Variants in NALF1 observed in about 807,000 individuals in gnomAD.
The protein encoded by NALF1 is NALCN channel auxiliary factor 1.
In NALF1, 3 loss-of-function variants were observed where a neutral mutation model predicts 48.4. The ratio of observed to expected loss-of-function variants is 0.06; its 90% CI spans 0.03 to 0.16. NALF1 has a LOEUF of 0.16. Ranked by LOEUF, NALF1 falls within the 10% of genes least tolerant of loss-of-function variation. NALF1 has a pLI of 1.00. For synonymous variants in NALF1, 262 were observed against 245.7 expected (o/e 1.07, Z -0.62); for missense variants, 526 against 571.5 (o/e 0.92, Z 0.81).
At chr13:107,717,381 A>T (rs1594225491) in intron 1 of NALF1, among the ~76,000 whole-genome samples, 1 of 152,308 alleles carries the variant, frequency 6.6e-6, no homozygotes, top group African/African-American at 2.4e-5. Flanking sequence ...TACCCACAGA[A>T]TCAGAAACTC....
chr13:107,404,812 TAA>T (rs897408047), intron 1 of NALF1, among the ~76,000 whole-genome samples: 2 of 152,094 alleles, frequency 1.3e-5, no homozygotes, highest in Non-Finnish European at 2.9e-5. Context: ...ACATGGCTAG[TAA>T]AAAAGTCTTT....
intron 1 of NALF1, among the ~76,000 whole-genome samples, chr13:107,614,971 T>C (rs1487083978): frequency 6.6e-6 from 1 of 151,916 alleles, no homozygotes; most frequent in Non-Finnish European, 1.5e-5. Flanking sequence ...GAGAAGAGGT[T>C]TCACCATGTT....
intron 1 of NALF1, among the ~76,000 whole-genome samples, chr13:107,394,702 G>A (rs1357411632): frequency 3.3e-5 from 5 of 152,072 alleles, no homozygotes; most frequent in Non-Finnish European, 5.9e-5. Context: ...TCATACAAAT[G>A]CCTACACTAA....
intron 1 of NALF1, among the ~76,000 whole-genome samples, chr13:107,723,566 C>T (rs1195367325): frequency 1.3e-5 from 2 of 151,824 alleles, no homozygotes; most frequent in African/African-American, 4.8e-5. Flanking sequence ...AAAAGGAAAA[C>T]AATAAAAATA....
chr13:107,782,636 C>G (rs1393832468), intron 1 of NALF1, among the ~76,000 whole-genome samples: 1 of 151,828 alleles, frequency 6.6e-6, no homozygotes, highest in African/African-American at 2.4e-5. Context: ...GCCATCCCAT[C>G]TAGGAAGTGA....
At chr13:107,479,800 T>C (rs911837652) in intron 1 of NALF1, among the ~76,000 whole-genome samples, 3 of 152,140 alleles carry the variant, frequency 2.0e-5, no homozygotes, top group African/African-American at 7.2e-5. Flanking sequence ...TATTAGAAAT[T>C]TGCCTGTATA....
intron 1 of NALF1, among the ~76,000 whole-genome samples, chr13:107,628,474 T>C (rs760931321): frequency 3.3e-5 from 5 of 152,128 alleles, no homozygotes; most frequent in African/African-American, 4.8e-5. Context: ...AGAGGCTCAG[T>C]TGGAAACTGA....
rs139395556 is a variant in NALF1, at chr13:107,725,532, A to C, written c.915+140150T>G. On this transcript the variant is annotated intron_variant, in intron 1 of 2. Coordinates refer to ENST00000375915, the MANE Select transcript of NALF1 (RefSeq NM_001080396.3). ...AGACCAGCCTGGCCAAAATATAGTG[A>C]AACCCTGTTTCTACTAAAAAATACA... Among the ~76,000 whole-genome samples, 239 of 152,294 alleles carry C rather than the reference A, an allele frequency of 1.6e-3. 1 individual carries two copies. The highest frequency in any genetic ancestry group is 5.3e-3 in the African/African-American group (222 of 41,564).
chr13:107,613,079 A>G (rs1879282398), intron 1 of NALF1, among the ~76,000 whole-genome samples: 1 of 152,030 alleles, frequency 6.6e-6, no homozygotes, highest in South Asian at 2.1e-4. Context: ...AGGGATGGGC[A>G]TCAAAGGTGA....
chr13:107,846,088 G>T (rs1231012544), intron 1 of NALF1, among the ~76,000 whole-genome samples: 2 of 152,144 alleles, frequency 1.3e-5, no homozygotes, highest in East Asian at 1.9e-4. Context: ...CTGGTAGATT[G>T]TATCACTGCT....
At chr13:107,447,241 T>C (rs569344550) in intron 1 of NALF1, among the ~76,000 whole-genome samples, 3 of 152,114 alleles carry the variant, frequency 2.0e-5, no homozygotes. Flanking sequence ...CTTCCCCTTC[T>C]CCTTCTTCTT....
chr13:107,203,969 C>T (rs1013428290), intron 2 of NALF1, among the ~76,000 whole-genome samples: 2 of 152,192 alleles, frequency 1.3e-5, no homozygotes, highest in Non-Finnish European at 2.9e-5. Flanking sequence ...TCTCCCTGCT[C>T]TCCAACAAGT....
chr13:107,416,390 C>A (rs1884089598), intron 1 of NALF1, among the ~76,000 whole-genome samples: 1 of 151,928 alleles, frequency 6.6e-6, no homozygotes, highest in African/African-American at 2.4e-5. Context: ...CCTCTTCCCT[C>A]CTTCAGCCTG....
Position 107,629,921 on chromosome 13 carries a change from A to G in NALF1, c.915+235761T>C, listed in dbSNP as rs146874420. On this transcript the variant is annotated intron_variant, in intron 1 of 2. Coordinates refer to ENST00000375915, the MANE Select transcript of NALF1 (RefSeq NM_001080396.3). ...TTTGTGTTACAGCTTCTGAACTAGT[A>G]TCTTCGCATTCAAGATCTTCTCACT... 5.1e-3 allele frequency among the ~76,000 whole-genome samples: 773 copies of G among 152,236 alleles called. 8 individuals carry two copies. The highest frequency in any genetic ancestry group is 0.017 in the African/African-American group (725 of 41,542).
At chr13:107,272,814 G>A (rs768561514) in intron 1 of NALF1, among the ~76,000 whole-genome samples, 4 of 152,120 alleles carry the variant, frequency 2.6e-5, no homozygotes, top group Admixed American at 6.6e-5. Flanking sequence ...GGTGTAAATC[G>A]TGCGTTGCCT....
At chr13:107,259,561 C>T (rs1003405080) in intron 1 of NALF1, among the ~76,000 whole-genome samples, 3 of 152,124 alleles carry the variant, frequency 2.0e-5, no homozygotes, top group Non-Finnish European at 4.4e-5. Flanking sequence ...TGACATTAGT[C>T]TAGGCCTAGA....
At chr13:107,538,160 T>C (rs1876891441) in intron 1 of NALF1, among the ~76,000 whole-genome samples, 1 of 152,172 alleles carries the variant, frequency 6.6e-6, no homozygotes, top group African/African-American at 2.4e-5. Context: ...ACAATTGACT[T>C]TCAATTCTTC....
chr13:107,668,012 G>A (rs1219754083), intron 1 of NALF1, among the ~76,000 whole-genome samples: 3 of 152,008 alleles, frequency 2.0e-5, no homozygotes, highest in Non-Finnish European at 4.4e-5. Flanking sequence ...ATGTGTCCAT[G>A]TGGAAATTTA....
chr13:107,290,826 G>A (rs955292083), intron 1 of NALF1, among the ~76,000 whole-genome samples: 26 of 152,012 alleles, frequency 1.7e-4, no homozygotes, highest in African/African-American at 5.6e-4. Context: ...TGTACATACT[G>A]TCTACAGTTT....
Sources: allele counts gnomAD v4.1 joint callset (sites outside exome capture counted in the v4.1 genomes callset), GRCh38; gene constraint gnomAD v4.1.1; transcripts MANE v1.5; gene names NCBI Gene and HGNC (gene_info 2026-07-23, HGNC 2026-07-21).